HDC: variants seen among roughly 807,000 people sequenced by gnomAD.
The protein encoded by HDC is histidine decarboxylase.
HDC carries 27 observed loss-of-function variants against 64.4 expected under a neutral mutation model. The ratio of observed to expected loss-of-function variants is 0.42; its 90% CI spans 0.31 to 0.58. HDC has a LOEUF of 0.58. Among genes scored for constraint, HDC ranks in the 20% least tolerant of loss-of-function variants. The probability of loss-of-function intolerance (pLI) is 0.16; values close to 1 mark genes in which losing one functional copy is unlikely to be tolerated. For synonymous variants in HDC, 305 were observed against 314.2 expected (o/e 0.97, Z 0.31); for missense variants, 711 against 833.9 (o/e 0.85, Z 1.81).
chr15:50,258,718 A>G (rs748923843), intron 2 of HDC, among the ~76,000 whole-genome samples: 3 of 152,214 alleles, frequency 2.0e-5, no homozygotes, highest in Non-Finnish European at 2.9e-5. Flanking sequence ...GTCCTATGCT[A>G]GATCATCAGT....
At chr15:50,263,202 TC>T (rs2045726473) in intron 2 of HDC, 32 bp downstream of exon 2, 2 of 1,611,822 alleles carry the variant, frequency 1.2e-6, no homozygotes, top group East Asian at 4.5e-5. Context: ...TGCCCTGAAA[TC>T]CAGAACTGCC....
At chr15:50,246,307 A>T (rs1311397253) in intron 10 of HDC, among the ~76,000 whole-genome samples, 3 of 152,264 alleles carry the variant, frequency 2.0e-5, no homozygotes, top group African/African-American at 7.2e-5. Flanking sequence ...ATCAAATCAT[A>T]TCAAACAACT....
rs536172831 is a variant in HDC at position 50,251,742 on chromosome 15, G to C, written c.1041+688C>G. 3.3e-5 allele frequency among the ~76,000 whole-genome samples: 5 copies of C among 152,068 alleles called. No homozygotes were observed. In the East Asian group the frequency reaches 9.7e-4, roughly 29 times the overall value. On this transcript the variant is annotated intron_variant, in intron 9 of 11. Coordinates refer to ENST00000267845, the MANE Select transcript of HDC (RefSeq NM_002112.4). Reference sequence around the variant, plus strand: ...AGATACTTGGAAAGCTGAGGCAGGAGAATCGCTTGAACCTGGAAGGCGGAG... The same window carrying C: ...AGATACTTGGAAAGCTGAGGCAGGACAATCGCTTGAACCTGGAAGGCGGAG...
intron 3 of HDC, 80 bp from the exon 4 acceptor site, chr15:50,257,627 C>T (rs955106827): frequency 7.2e-6 from 11 of 1,524,244 alleles, no homozygotes; most frequent in Non-Finnish European, 1.0e-5. Flanking sequence ...ACATGTCTGC[C>T]CCTGATGGTG....
chr15:50,246,540 G>A (rs2045484433), intron 10 of HDC, among the ~76,000 whole-genome samples: 1 of 152,176 alleles, frequency 6.6e-6, no homozygotes. Context: ...GTGCAGAGAT[G>A]GACTGAGCAT....
At chr15:50,253,855 G>A (rs960699200) in intron 6 of HDC, 189 bp from the exon 7 acceptor site, 21 of 652,494 alleles carry the variant, frequency 3.2e-5, no homozygotes, top group Non-Finnish European at 4.9e-5. Context: ...ATGTATACGT[G>A]TGTATTTGAA....
Position 50,263,132 on chromosome 15 carries a change from C to T in HDC, c.204+103G>A, listed in dbSNP as rs1595712696. 6.0e-6 allele frequency: 7 copies of T among 1,173,596 alleles called. No individual in the cohort carries two copies. The East Asian group carries it at 1.4e-4, about 24-fold the overall frequency. The allele number at this position is 1,173,596 out of a possible 1,614,324, so 72.7% of individuals were successfully genotyped here. ...TTGGTGGCCAAGTGGCTGAAGGATG[C>T]ATTCTCATCCCAAGCTGACCCAAAG... is the stretch of plus-strand genomic sequence containing the variant. On this transcript the variant is annotated intron_variant, in intron 2 of 11. Transcript: ENST00000267845.
chr15:50,253,261 C>T, intron 7 of HDC: 1 of 399,120 alleles, frequency 2.5e-6, no homozygotes. Flanking sequence ...GAAAGCATTT[C>T]TATTCTAGCC....
intron 3 of HDC, among the ~76,000 whole-genome samples, chr15:50,257,927 T>C (rs1173686336): frequency 3.4e-5 from 3 of 87,692 alleles, no homozygotes; most frequent in Non-Finnish European, 2.1e-5. Flanking sequence ...CCCATAGGAG[T>C]TCAGGCTTAA....
At chr15:50,251,147 G>C (rs1168034397) in intron 9 of HDC, among the ~76,000 whole-genome samples, 1 of 152,212 alleles carries the variant, frequency 6.6e-6, no homozygotes, top group Non-Finnish European at 1.5e-5. Context: ...TTTGACACAA[G>C]AGGAAATCTG....
intron 10 of HDC, 139 bp from the exon 11 acceptor site, chr15:50,243,383 A>G: frequency 2.8e-6 from 2 of 709,846 alleles, no homozygotes; most frequent in Non-Finnish European, 2.6e-6. Context: ...CCTCATTGTC[A>G]TCTCCATTTG....
Position 50,263,657 on chromosome 15 carries a change from G to A in HDC, c.32-250C>T, listed in dbSNP as rs540366549. Among the ~76,000 whole-genome samples, 35 of 152,186 alleles carry A rather than the reference G, an allele frequency of 2.3e-4. No individual in the cohort carries two copies. In the South Asian group the frequency reaches 5.0e-3, roughly 22 times the overall value. ...CTACTAAAAATACAAAAAATTAGCC[G>A]GGCGTGGTGGCAGGCGCATGTAATC... is the stretch of plus-strand genomic sequence containing the variant. On this transcript the variant is annotated intron_variant, in intron 1 of 11. Transcript: ENST00000267845.
At chr15:50,264,463 A>T (rs2045743135) in intron 1 of HDC, among the ~76,000 whole-genome samples, 1 of 152,214 alleles carries the variant, frequency 6.6e-6, no homozygotes, top group Non-Finnish European at 1.5e-5. Context: ...ATGCTAAAAA[A>T]AAATGTATCA....
chr15:50,252,012 C>CG (rs1555503641), intron 9 of HDC, among the ~76,000 whole-genome samples: 1 of 151,824 alleles, frequency 6.6e-6, no homozygotes, highest in Non-Finnish European at 1.5e-5. Context: ...CTGTCAGGGA[C>CG]AAAAAAACAA....
intron 4 of HDC, among the ~76,000 whole-genome samples, chr15:50,255,455 T>A (rs1046031503): frequency 2.6e-5 from 4 of 152,098 alleles, no homozygotes; most frequent in African/African-American, 9.7e-5. Flanking sequence ...AGATATTAAG[T>A]GCCTGGGAGT....
chr15:50,258,976 T>C (rs528028836), intron 2 of HDC, among the ~76,000 whole-genome samples: 1 of 150,408 alleles, frequency 6.6e-6, no homozygotes, highest in South Asian at 2.1e-4. Context: ...CTGGCTAACA[T>C]GGTGAAACCC....
intron 9 of HDC, among the ~76,000 whole-genome samples, chr15:50,249,192 G>C (rs2045521587): frequency 1.3e-5 from 2 of 152,166 alleles, no homozygotes; most frequent in African/African-American, 4.8e-5. Flanking sequence ...AGAGCTTAAA[G>C]TTCAAGGTTG....
chr15:50,257,656 GAGAAGGGGTCATGTT>G, intron 3 of HDC, 109 bp from the exon 4 acceptor site: 1 of 1,308,878 alleles, frequency 7.6e-7, no homozygotes, highest in Non-Finnish European at 1.1e-6. Flanking sequence ...AACATTTCTG[GAGAAGGGGTCATGTT>G]AGGCCACGTG....
At chr15:50,261,041 G>T (rs2045696719) in intron 2 of HDC, among the ~76,000 whole-genome samples, 1 of 152,148 alleles carries the variant, frequency 6.6e-6, no homozygotes, top group African/African-American at 2.4e-5. Flanking sequence ...TGTGGCCTGA[G>T]AGATGAGTTG....
Sources: gnomAD v4.1 joint callset for allele counts (sites outside exome capture counted in the v4.1 genomes callset) on GRCh38, gnomAD v4.1.1 for gene constraint, MANE v1.5 for transcripts, NCBI Gene and HGNC (gene_info 2026-07-23, HGNC 2026-07-21) for gene names.